The following XIAP variants were observed in gnomAD, a reference collection of about 807,000 sequenced individuals.
The protein encoded by XIAP is E3 ubiquitin-protein ligase XIAP.
A neutral mutation model predicts 33.1 loss-of-function variants in XIAP; 3 were observed. The observed-to-expected ratio is 0.09, with a 90% confidence interval of 0.04 to 0.23. The LOEUF is 0.23. Ranked by LOEUF, XIAP falls within the 10% of genes least tolerant of loss-of-function variation. The pLI is 1.00. For synonymous variants in XIAP, 98 were observed against 121.3 expected, an observed-to-expected ratio of 0.81 and a Z score of 1.26; for missense variants, 264 against 363.0, an observed-to-expected ratio of 0.73 and a Z score of 2.22.
At chrX:123,901,668 A>G (rs1425569713) in intron 6 of XIAP, among the ~76,000 whole-genome samples, 1 of 112,053 alleles carries the variant, frequency 8.9e-6, no homozygotes, top group Non-Finnish European at 1.9e-5. Flanking sequence ...GTTATGAAAC[A>G]GTATGAACAT....
chrX:123,895,954 G>A (rs2053456243), intron 5 of XIAP, among the ~76,000 whole-genome samples: 1 of 111,019 alleles, frequency 9.0e-6, no homozygotes, highest in African/African-American at 3.3e-5. Flanking sequence ...TAGGGACGGG[G>A]TTTCGCTATA....
intron 5 of XIAP, among the ~76,000 whole-genome samples, chrX:123,896,353 C>T: frequency 9.0e-6 from 1 of 111,668 alleles, no homozygotes; most frequent in South Asian, 3.7e-4. Flanking sequence ...AGGTGTGATC[C>T]ACTGTGCCCA....
intron 4 of XIAP, 133 bp from the exon 5 acceptor site, chrX:123,892,598 C>T (rs2053417993): frequency 3.9e-6 from 2 of 510,980 alleles, no homozygotes; most frequent in Middle Eastern, 4.0e-4. Context: ...GGCTATGCCT[C>T]TTGTGAATAT....
chrX:123,894,504 C>G (rs2053440675), intron 5 of XIAP, among the ~76,000 whole-genome samples: 1 of 112,400 alleles, frequency 8.9e-6, no homozygotes, highest in Non-Finnish European at 1.9e-5. Context: ...TGTGGTGGCT[C>G]ACGCCTATAA....
intron 1 of XIAP, among the ~76,000 whole-genome samples, chrX:123,867,229 C>A (rs1365481724): frequency 1.9e-5 from 2 of 107,536 alleles, no homozygotes; most frequent in African/African-American, 6.8e-5. Context: ...CGCCACCACG[C>A]CTGGCTAATG....
intron 3 of XIAP, among the ~76,000 whole-genome samples, chrX:123,890,259 G>T (rs1400285958): frequency 9.7e-6 from 1 of 102,811 alleles, no homozygotes; most frequent in Admixed American, 1.0e-4. Flanking sequence ...CTCGTGATCC[G>T]CCCGCCTCGG....
rs1186271285 is a variant in XIAP, at chrX:123,899,144, A to AAAAAAAAAAT, written c.1100-1348_1100-1347insAAAAAAAATA. On this transcript the variant is annotated intron_variant, in intron 5 of 6. Transcript: ENST00000371199. ...CAAAAAAAAAAAAAAAAAAAAAAAA[A>AAAAAAAAAAT]ATATATATATATATATATATATGAT... Among the ~76,000 whole-genome samples, 8 of 50,165 alleles carry AAAAAAAAAAT rather than the reference A, an allele frequency of 1.6e-4. 2 individuals are homozygous for AAAAAAAAAAT. The highest frequency in any genetic ancestry group is 1.4e-3 in the South Asian group (1 of 718). 43.6% of individuals were successfully genotyped at this position (50,165 alleles called of 115,157 possible).
chrX:123,911,193 A>G lies in XIAP; in HGVS notation c.*4012A>G, dbSNP rs1462117201. 3.0e-6 allele frequency: 1 copy of G among 328,143 alleles called. No homozygotes were observed. The highest frequency in any genetic ancestry group is 9.7e-5 in the East Asian group (1 of 10,258). The allele number at this position is 328,143 out of a possible 1,213,427, so 27.0% of individuals were successfully genotyped here. ...GGTGTTTCTCATAGATAAGATATAAATCAGCTGGGCGCGGTGGCTCATGCC... is the reference window on the plus strand; with the variant it reads ...GGTGTTTCTCATAGATAAGATATAAGTCAGCTGGGCGCGGTGGCTCATGCC... On this transcript the variant is annotated 3_prime_UTR_variant, in exon 7 of 7. Coordinates refer to ENST00000371199, the MANE Select transcript of XIAP (RefSeq NM_001167.4).
At chrX:123,875,992 T>C (rs966389335) in intron 1 of XIAP, among the ~76,000 whole-genome samples, 5 of 112,337 alleles carry the variant, frequency 4.5e-5, no homozygotes, top group Non-Finnish European at 9.4e-5. Context: ...AGCCTTCTTA[T>C]AGATTTATAA....
intron 1 of XIAP, among the ~76,000 whole-genome samples, chrX:123,875,333 T>G (rs758165386): frequency 3.0e-4 from 33 of 111,544 alleles, no homozygotes; most frequent in South Asian, 1.5e-3. Flanking sequence ...ATCAGGGATT[T>G]ATTTATTTTT....
At chrX:123,864,550 A>T (rs2053112292) in intron 1 of XIAP, among the ~76,000 whole-genome samples, 1 of 95,610 alleles carries the variant, frequency 1.0e-5, no homozygotes, top group African/African-American at 4.0e-5. Flanking sequence ...CACTGCAGGC[A>T]CTGCCTCCCG....
intron 2 of XIAP, among the ~76,000 whole-genome samples, chrX:123,887,665 T>C (rs1401411010): frequency 9.0e-6 from 1 of 111,405 alleles, no homozygotes; most frequent in Non-Finnish European, 1.9e-5. Context: ...GTAAGGACAA[T>C]ATTGGTGGCC....
chrX:123,904,488 A>T (rs2053542911), intron 6 of XIAP, among the ~76,000 whole-genome samples: 1 of 111,233 alleles, frequency 9.0e-6, no homozygotes, highest in African/African-American at 3.3e-5. Flanking sequence ...CCCTGAATCT[A>T]CTTTGTGAAC....
intron 6 of XIAP, among the ~76,000 whole-genome samples, chrX:123,904,295 T>A (rs1261327925): frequency 8.9e-6 from 1 of 112,247 alleles, no homozygotes; most frequent in Non-Finnish European, 1.9e-5. Flanking sequence ...GGAAATTACT[T>A]GTTCTCCTTT....
chrX:123,886,059 T>C lies in XIAP; in HGVS notation c.397T>C (p.Ser133Pro). Residue 133 changes from serine to proline, a missense_variant, in exon 2 of 7, where the codon TCT (serine) becomes CCT (proline). Transcript: ENST00000371199. ...AGATCATTTTGCCTTAGACAGGCCA[T>C]CTGAGACACATGCAGACTATCTTTT... ...SRDHFALDRP[S>P]ETHADYLLRT... 3 of 1,211,896 alleles carry C rather than the reference T, an allele frequency of 2.5e-6. No individual in the cohort carries two copies. The African/African-American group carries it at 5.2e-5, about 21-fold the overall frequency.
intron 1 of XIAP, among the ~76,000 whole-genome samples, chrX:123,871,109 A>G (rs1285873333): frequency 9.1e-6 from 1 of 109,732 alleles, no homozygotes; most frequent in Non-Finnish European, 1.9e-5. Context: ...TGCCCAGCTA[A>G]TTTTTGTATT....
At chrX:123,860,358 CTCT>C (rs1343251567) in intron 1 of XIAP, 65 bp downstream of exon 1, 20 of 320,216 alleles carry the variant, frequency 6.2e-5, no homozygotes, top group South Asian at 2.1e-4. Flanking sequence ...CCTCCCTCCC[CTCT>C]TCTTTTCCCC....
chrX:123,859,835 G>C (rs999028127), upstream of XIAP: 1 of 251,717 alleles, frequency 4.0e-6, no homozygotes, highest in Non-Finnish European at 7.5e-6. Context: ...CATCCGGTTC[G>C]GGGAGGTGGC....
rs771503633 is a variant in XIAP at position 123,889,997 on chromosome X, A to ATTT, written c.978-1206_978-1204dup. 1.2e-3 allele frequency among the ~76,000 whole-genome samples: 40 copies of ATTT among 33,072 alleles called. 12 individuals carry two copies. Among genetic ancestry groups the ATTT allele is most frequent in the African/African-American group, 2.3e-3 (17 of 7,431 alleles). The allele number at this position is 33,072 out of a possible 115,157, so 28.7% of individuals were successfully genotyped here. A position where few individuals can be genotyped will look rare whatever the true frequency, so the allele number is the denominator to read the frequency against. ...ATCTCTATGACATACAGTTGTTCAC[A>ATTT]TTTTTTTTTTTTTTTTTTTTTTTTT... On this transcript the variant is annotated intron_variant, in intron 3 of 6. Coordinates refer to ENST00000371199, the MANE Select transcript of XIAP (RefSeq NM_001167.4).
Sources: allele counts gnomAD v4.1 joint callset (sites outside exome capture counted in the v4.1 genomes callset), GRCh38; gene constraint gnomAD v4.1.1; transcripts MANE v1.5; gene names NCBI Gene and HGNC (gene_info 2026-07-23, HGNC 2026-07-21).